The following FBN3 variants were observed in gnomAD, a reference collection of about 807,000 sequenced individuals.
FBN3 encodes fibrillin 3.
FBN3 carries 234 observed loss-of-function variants against 330.1 expected under a neutral mutation model. The observed-to-expected ratio is 0.71, with a 90% CI of 0.64 to 0.79. FBN3 has a LOEUF of 0.79. FBN3 is among the 30% of genes least tolerant of loss of function. FBN3 has a pLI of 0.00. For missense variants in FBN3, 3,606 were observed against 3,886.9 expected, an observed-to-expected ratio of 0.93 and a Z score of 1.92; for synonymous variants, 1,458 against 1,517.3, an observed-to-expected ratio of 0.96 and a Z score of 0.91.
At chr19:8,104,852 C>T (rs1004966956) in intron 38 of FBN3, among the ~76,000 whole-genome samples, 1 of 152,026 alleles carries the variant, frequency 6.6e-6, no homozygotes, top group Non-Finnish European at 1.5e-5. Flanking sequence ...TATTTATGGA[C>T]CCCTGAAATT....
chr19:8,097,690 G>A (rs548179589), intron 41 of FBN3, among the ~76,000 whole-genome samples: 27 of 152,174 alleles, frequency 1.8e-4, no homozygotes, highest in Non-Finnish European at 3.7e-4. Context: ...GAAAGAAATG[G>A]CCTTAAGCGT....
intron 30 of FBN3, among the ~76,000 whole-genome samples, chr19:8,114,794 T>C (rs1301297566): frequency 3.3e-5 from 5 of 151,722 alleles, no homozygotes; most frequent in Non-Finnish European, 5.9e-5. Context: ...CAGGCTGGAG[T>C]GCAGTGGCTC....
In FBN3 at chr19:8,138,316, G is replaced by A. The variant is rs146076390; in HGVS notation, c.1026C>T (p.Phe342=). 7.1e-5 allele frequency: 115 copies of A among 1,613,080 alleles called. No homozygotes were observed. In the African/African-American group the frequency reaches 1.4e-3, roughly 20 times the overall value. Reference sequence around the variant, plus strand: ...GCAGCCGCTGGGCGCACAGTTGCTGGAATTCATCTGCAAGGAAGCAGGGTT... The same window carrying A: ...GCAGCCGCTGGGCGCACAGTTGCTGAAATTCATCTGCAAGGAAGCAGGGTT... The part of the protein sequence containing the change: ...ELCPPRGSNE[F]QQLCAQRLPL... Residue 342 remains phenylalanine, a synonymous_variant, in exon 10 of 64, where the codon TTC becomes TTT. Coordinates refer to ENST00000600128, the MANE Select transcript of FBN3 (RefSeq NM_032447.5).
intron 36 of FBN3, 134 bp from the exon 37 acceptor site, chr19:8,108,372 C>T: frequency 7.6e-6 from 5 of 660,832 alleles, no homozygotes; most frequent in South Asian, 2.1e-5. Flanking sequence ...ACGACATCCC[C>T]ATATCTCTTT....
At chr19:8,143,497 C>CTTTTTTTTTTTTTT (rs557671451) in intron 6 of FBN3, among the ~76,000 whole-genome samples, 18 of 126,074 alleles carry the variant, frequency 1.4e-4, no homozygotes, top group East Asian at 4.5e-4. Context: ...CTTTTCTTTT[C>CTTTTTTTTTTTTTT]TTTTTTTTTT....
chr19:8,117,153 AGTT>A lies in FBN3; in HGVS notation c.3586+13_3586+15del. Reference sequence around the variant, plus strand: ...CCCTCCACACCAGGCAGTGGGAAGAAGTTGTGCCCACCTACCTGCACATGCCCT... The same window carrying A: ...CCCTCCACACCAGGCAGTGGGAAGAAGTGCCCACCTACCTGCACATGCCCT... On this transcript the variant is annotated intron_variant, in intron 28 of 63. Transcript: ENST00000600128. 1 of 1,613,832 alleles carries A rather than the reference AGTT, an allele frequency of 6.2e-7. No individual in the cohort carries two copies. Among genetic ancestry groups the A allele is most frequent in the Non-Finnish European group, 8.5e-7 (1 of 1,179,860 alleles).
At chr19:8,104,990 T>A (rs1272415713) in intron 38 of FBN3, among the ~76,000 whole-genome samples, 1 of 152,000 alleles carries the variant, frequency 6.6e-6, no homozygotes, top group East Asian at 1.9e-4. Context: ...AGTCTCACTC[T>A]GTTGCCCAGG....
rs759490319 is a variant in FBN3 at position 8,087,770 on chromosome 19, A to G, written c.6619+55T>C. The G allele has an allele frequency of 2.8e-4, 416 of 1,503,760 alleles. 1 individual carries two copies. Among genetic ancestry groups the G allele is most frequent in the Non-Finnish European group, 3.7e-4 (404 of 1,082,970 alleles). The allele number at this position is 1,503,760 out of a possible 1,614,324, so 93.2% of individuals were successfully genotyped here. ...ATTACAGGCGTGTGCCACCATGCCC[A>G]GCTAATTTTGTATTTTTAGTAGAGA... On this transcript the variant is annotated intron_variant, in intron 53 of 63. Transcript: ENST00000600128.
chr19:8,082,996 G>A (rs538278327), intron 57 of FBN3, among the ~76,000 whole-genome samples: 6 of 152,020 alleles, frequency 3.9e-5, no homozygotes, highest in African/African-American at 1.4e-4. Context: ...TTTTTTTAGC[G>A]ATGGGGTCTT....
In FBN3 at chr19:8,086,005, G is replaced by GGGGACAGGCAGTGGGA. The variant is rs1219058076; in HGVS notation, c.6880+179_6880+194dup. Among the ~76,000 whole-genome samples, 364 of 104,576 alleles carry GGGGACAGGCAGTGGGA rather than the reference G, an allele frequency of 3.5e-3. 17 individuals are homozygous for GGGGACAGGCAGTGGGA. The highest frequency in any genetic ancestry group is 7.8e-3 in the African/African-American group (221 of 28,324). 68.6% of individuals were successfully genotyped at this position (104,576 alleles called of 152,430 possible). A position where few individuals can be genotyped will look rare whatever the true frequency, so the allele number is the denominator to read the frequency against. On this transcript the variant is annotated intron_variant, in intron 55 of 63. Transcript: ENST00000600128. ...AGGCAGTGGGAGGGACAGGCAGTGG[G>GGGGACAGGCAGTGGGA]GGGACAGGCAGTGGGAGGGACAGGC...
At chr19:8,147,261 G>C in intron 2 of FBN3, 53 bp downstream of exon 2, 2 of 1,566,416 alleles carry the variant, frequency 1.3e-6, no homozygotes, top group Non-Finnish European at 1.7e-6. Context: ...GCTGGCCCCA[G>C]GACAGCCCAA....
rs758172632 is a variant in FBN3, at chr19:8,109,349, C to T, written c.4496G>A (p.Arg1499Gln). ...AGNCFLETHD[R>Q]GDSGISCSAE... ...ACTGCAGGAAATGCCACTGTCCCCT[C>T]GGTCATGCGTCTCCAGGAAACAGTT... is the stretch of plus-strand genomic sequence containing the variant. The change falls in exon 36 of 64, where the codon CGA becomes CAA. Residue 1499 changes from arginine to glutamine, a missense_variant. By Grantham distance (43) the Arg-to-Gln change is conservative (BLOSUM62 1). Coordinates refer to ENST00000600128, the MANE Select transcript of FBN3 (RefSeq NM_032447.5). This position sits in a 1 kb window ranked among gnomAD's most constrained non-coding sequence, Gnocchi z 5.2. 9 of 1,614,082 alleles carry T rather than the reference C, an allele frequency of 5.6e-6. No individual in the cohort carries two copies. The highest frequency in any genetic ancestry group is 5.3e-5 in the African/African-American group (4 of 74,902).
At chr19:8,072,236 C>G (rs370249672) in intron 62 of FBN3, 38 bp from the exon 63 acceptor site, 1 of 1,494,020 alleles carries the variant, frequency 6.7e-7, no homozygotes, top group Non-Finnish European at 8.9e-7. Context: ...GTTTCAGAGG[C>G]GGGCTGATGG....
chr19:8,125,823 A>T, intron 22 of FBN3, 69 bp downstream of exon 22: 1 of 1,503,290 alleles, frequency 6.7e-7, no homozygotes, highest in Non-Finnish European at 8.9e-7. Flanking sequence ...CCTGTTCCTC[A>T]AGTCACTGCG....
chr19:8,146,636 AG>A (rs2083553101), intron 3 of FBN3, among the ~76,000 whole-genome samples: 1 of 63,550 alleles, frequency 1.6e-5, no homozygotes, highest in African/African-American at 1.1e-4. Flanking sequence ...TCAGAGAAAC[AG>A]AGAGAGAGAG....
At chr19:8,119,813 CTTTTTTTTTTTTTTT>C (rs869084219) in intron 25 of FBN3, among the ~76,000 whole-genome samples, 3 of 48,826 alleles carry the variant, frequency 6.1e-5, no homozygotes, top group African/African-American at 2.8e-4. Context: ...CGAGCCCAGC[CTTTTTTTTTTTTTTT>C]TTTTTTTTTT....
chr19:8,103,263 T>C (rs1320092301), intron 39 of FBN3, among the ~76,000 whole-genome samples: 2 of 39,916 alleles, frequency 5.0e-5, no homozygotes, highest in African/African-American at 1.6e-4. Flanking sequence ...TGAGACTCTA[T>C]CTCAAAAAAA....
chr19:8,108,866 T>C (rs1202764841), intron 36 of FBN3, among the ~76,000 whole-genome samples: 1 of 152,144 alleles, frequency 6.6e-6, no homozygotes, highest in African/African-American at 2.4e-5. Context: ...ACTCTCACAG[T>C]CCTGAAACTG....
chr19:8,143,004 C>T (rs2083449119), intron 6 of FBN3, among the ~76,000 whole-genome samples: 1 of 152,098 alleles, frequency 6.6e-6, no homozygotes, highest in Non-Finnish European at 1.5e-5. Flanking sequence ...GGGTCGTGCC[C>T]ATCCTCACCT....
Sources: allele counts gnomAD v4.1 joint callset (sites outside exome capture counted in the v4.1 genomes callset), GRCh38; gene constraint gnomAD v4.1.1; non-coding constraint Gnocchi (gnomAD v3.1); transcripts MANE v1.5; gene names NCBI Gene and HGNC (gene_info 2026-07-23, HGNC 2026-07-21).